Variants in METTL25 observed in about 807,000 individuals in gnomAD.
METTL25 encodes probable methyltransferase-like protein 25.
METTL25 carries 64 observed loss-of-function variants against 71.6 expected under a neutral mutation model. That is an observed-to-expected ratio of 0.89 (90% CI 0.73 to 1.10). The LOEUF is 1.10. Ranked by LOEUF, METTL25 falls within the 50% of genes least tolerant of loss-of-function variation. The pLI, the probability that METTL25 is intolerant of heterozygous loss-of-function variation, is 0.00. For missense variants in METTL25, 807 were observed against 707.0 expected, an observed-to-expected ratio of 1.14 and a Z score of -1.60; for synonymous variants, 287 against 250.3, an observed-to-expected ratio of 1.15 and a Z score of -1.38.
chr12:82,416,895 A>G (rs913865086), intron 5 of METTL25, among the ~76,000 whole-genome samples: 3 of 152,122 alleles, frequency 2.0e-5, no homozygotes, highest in Non-Finnish European at 4.4e-5. Flanking sequence ...TATCATATAT[A>G]CTTGGCCTTA....
intron 1 of METTL25, among the ~76,000 whole-genome samples, chr12:82,359,179 A>G (rs191225860): frequency 2.6e-5 from 4 of 152,334 alleles, no homozygotes; most frequent in Non-Finnish European, 4.4e-5. Flanking sequence ...AGATTACTCA[A>G]CAGTTAATAA....
chr12:82,453,841 G>A (rs1476850182), intron 8 of METTL25, among the ~76,000 whole-genome samples: 4 of 151,966 alleles, frequency 2.6e-5, no homozygotes, highest in Non-Finnish European at 4.4e-5. Context: ...TTCATTTATG[G>A]AGTTCCTGCT....
chr12:82,414,206 C>T (rs933883025), intron 5 of METTL25, among the ~76,000 whole-genome samples: 27 of 152,074 alleles, frequency 1.8e-4, no homozygotes, highest in African/African-American at 6.5e-4. Flanking sequence ...TATCACATTA[C>T]TCCTCATTGT....
intron 6 of METTL25, among the ~76,000 whole-genome samples, chr12:82,433,020 G>A (rs901559093): frequency 6.6e-6 from 1 of 151,580 alleles, no homozygotes; most frequent in African/African-American, 2.4e-5. Flanking sequence ...TTATTCCAGA[G>A]TAGCATGAAA....
intron 4 of METTL25, among the ~76,000 whole-genome samples, chr12:82,400,749 A>G (rs1263302126): frequency 6.6e-6 from 1 of 152,140 alleles, no homozygotes; most frequent in Non-Finnish European, 1.5e-5. Context: ...CAATTTAATA[A>G]CAGAATTAAC....
chr12:82,463,142 C>T (rs1042657837), intron 9 of METTL25, among the ~76,000 whole-genome samples: 3 of 151,912 alleles, frequency 2.0e-5, no homozygotes, highest in Middle Eastern at 3.2e-3. Context: ...TATAGTCATC[C>T]TGCAATGCTA....
At chr12:82,378,553 AAGAAT>A (rs1201598592) in intron 1 of METTL25, among the ~76,000 whole-genome samples, 2 of 152,250 alleles carry the variant, frequency 1.3e-5, no homozygotes, top group African/African-American at 4.8e-5. Flanking sequence ...AGCTTAGAAT[AAGAAT>A]AGAAGATGAA....
intron 5 of METTL25, among the ~76,000 whole-genome samples, chr12:82,415,352 T>C (rs1231447269): frequency 6.6e-6 from 1 of 152,128 alleles, no homozygotes; most frequent in Non-Finnish European, 1.5e-5. Context: ...GAAATACTAG[T>C]ACATTGATCA....
At position 82,400,075 on chromosome 12, in the gene METTL25, G is replaced by T. The variant is rs1025002060; in HGVS notation, c.1131+681G>T. ...GCCGTGGCTCACGTCTGTAGTCCCA[G>T]CACTTTGGGAGGCCAAGGCAGGTGG... On this transcript the variant is annotated intron_variant, in intron 4 of 11. Coordinates refer to ENST00000248306, the MANE Select transcript of METTL25 (RefSeq NM_032230.3). Among the ~76,000 whole-genome samples, 9 of 151,946 alleles carry T rather than the reference G, an allele frequency of 5.9e-5. No individual in the cohort carries two copies. The East Asian group carries it at 1.7e-3, about 29-fold the overall frequency.
intron 8 of METTL25, among the ~76,000 whole-genome samples, chr12:82,453,939 T>A (rs1891314616): frequency 6.6e-6 from 1 of 152,076 alleles, no homozygotes; most frequent in South Asian, 2.1e-4. Context: ...CTCAAACATA[T>A]TTTTATGCTT....
At chr12:82,474,422 G>A (rs1892759789) in intron 9 of METTL25, 1 of 152,158 alleles carries the variant, frequency 6.6e-6, no homozygotes, top group South Asian at 2.1e-4. Context: ...TCTCTTTCTT[G>A]TATGGGGGAA....
chr12:82,463,656 C>T (rs1892042305), intron 9 of METTL25, among the ~76,000 whole-genome samples: 1 of 152,010 alleles, frequency 6.6e-6, no homozygotes, highest in Admixed American at 6.6e-5. Context: ...TCTGGAACCT[C>T]TATCCTCTTC....
intron 5 of METTL25, among the ~76,000 whole-genome samples, chr12:82,425,326 A>G (rs1183181649): frequency 6.6e-6 from 1 of 152,096 alleles, no homozygotes; most frequent in African/African-American, 2.4e-5. Context: ...CACTGCAGGC[A>G]TTTGAGTTTT....
Position 82,376,970 on chromosome 12 carries a change from C to T in METTL25, c.260-9833C>T, listed in dbSNP as rs190374143. On this transcript the variant is annotated intron_variant, in intron 1 of 11. Coordinates refer to ENST00000248306, the MANE Select transcript of METTL25 (RefSeq NM_032230.3). ...CTTTACTAAAACTACAAAAATTAGC[C>T]GGCGTGGTGGCGGGCACCTGTAATC... Among the ~76,000 whole-genome samples the T allele has an allele frequency of 3.9e-4, 59 of 151,998 alleles. No homozygotes were observed. The East Asian group carries it at 8.9e-3, about 23-fold the overall frequency.
intron 5 of METTL25, among the ~76,000 whole-genome samples, chr12:82,420,007 T>C (rs1471662176): frequency 6.6e-6 from 1 of 152,154 alleles, no homozygotes; most frequent in Non-Finnish European, 1.5e-5. Context: ...GGTACACACA[T>C]ACAATGGAAT....
chr12:82,465,678 T>C (rs1207455991), intron 9 of METTL25, among the ~76,000 whole-genome samples: 1 of 151,990 alleles, frequency 6.6e-6, no homozygotes, highest in African/African-American at 2.4e-5. Flanking sequence ...AATGAATTGG[T>C]ATTCATTCTT....
chr12:82,404,458 C>G (rs1366709161), intron 5 of METTL25, among the ~76,000 whole-genome samples: 1 of 152,026 alleles, frequency 6.6e-6, no homozygotes. Context: ...TGAAAAAATA[C>G]TTTAATGCAA....
chr12:82,427,937 T>C (rs1565857402), intron 5 of METTL25, among the ~76,000 whole-genome samples: 3 of 151,976 alleles, frequency 2.0e-5, no homozygotes, highest in Admixed American at 6.6e-5. Context: ...TATATTTCAA[T>C]CCAGAGGTCA....
chr12:82,412,304 T>C (rs1310531957), intron 5 of METTL25, among the ~76,000 whole-genome samples: 2 of 152,148 alleles, frequency 1.3e-5, no homozygotes, highest in African/African-American at 2.4e-5. Flanking sequence ...TATAAAATAT[T>C]CATCACAATC....
Sources: allele counts gnomAD v4.1 joint callset (sites outside exome capture counted in the v4.1 genomes callset), GRCh38; gene constraint gnomAD v4.1.1; transcripts MANE v1.5; gene names NCBI Gene and HGNC (gene_info 2026-07-23, HGNC 2026-07-21).